The following ANKRD18A variants were observed in gnomAD, a reference collection of about 807,000 sequenced individuals.
ANKRD18A encodes the protein ankyrin repeat domain 18A.
Under a neutral mutation model 110.6 loss-of-function variants are expected in ANKRD18A, and 72 were observed. The observed-to-expected ratio is 0.65, with a 90% CI of 0.54 to 0.79. The LOEUF (loss-of-function observed/expected upper bound fraction) is 0.79. Among genes scored for constraint, ANKRD18A ranks in the 30% least tolerant of loss-of-function variants. ANKRD18A has a pLI of 0.00. For missense variants in ANKRD18A, 934 were observed against 1,163.3 expected (o/e 0.80, Z 2.87); for synonymous variants, 305 against 410.3 (o/e 0.74, Z 3.10).
chr9:38,603,601 C>T (rs1419580720), intron 6 of ANKRD18A, among the ~76,000 whole-genome samples: 4 of 151,982 alleles, frequency 2.6e-5, no homozygotes, highest in South Asian at 4.1e-4. Context: ...TGAGTAGCTA[C>T]GACAGAGACC....
intron 8 of ANKRD18A, among the ~76,000 whole-genome samples, chr9:38,599,173 G>T (rs1172432589): frequency 6.6e-6 from 1 of 152,128 alleles, no homozygotes; most frequent in Non-Finnish European, 1.5e-5. Flanking sequence ...TTTGAATAAA[G>T]CTTAGAAGAT....
intron 5 of ANKRD18A, among the ~76,000 whole-genome samples, chr9:38,609,018 C>T (rs1390285913): frequency 6.6e-6 from 1 of 152,068 alleles, no homozygotes; most frequent in Non-Finnish European, 1.5e-5. Context: ...GATAACATAC[C>T]ATGAAGGTAC....
At chr9:38,591,887 C>G (rs1041338266) in intron 10 of ANKRD18A, among the ~76,000 whole-genome samples, 3 of 152,212 alleles carry the variant, frequency 2.0e-5, no homozygotes, top group African/African-American at 7.2e-5. Flanking sequence ...ATCAAGTCTT[C>G]TGAATCAGTT....
intron 14 of ANKRD18A, among the ~76,000 whole-genome samples, chr9:38,576,769 C>A (rs1823912144): frequency 6.6e-6 from 1 of 151,958 alleles, no homozygotes; most frequent in African/African-American, 2.4e-5. Context: ...GATCATAAAG[C>A]TTCAAAAATA....
intron 7 of ANKRD18A, 33 bp downstream of exon 7, chr9:38,603,126 C>T: frequency 6.6e-7 from 1 of 1,519,226 alleles, no homozygotes; most frequent in Admixed American, 2.1e-5. Flanking sequence ...AGTCTCTTTA[C>T]ATGGTTAGGA....
chr9:38,573,306 G>A (rs1279616864), intron 15 of ANKRD18A, among the ~76,000 whole-genome samples: 1 of 152,116 alleles, frequency 6.6e-6, no homozygotes, highest in Non-Finnish European at 1.5e-5. Flanking sequence ...CTTATTCTAA[G>A]TTTAGATAAT....
At chr9:38,599,517 T>C (rs1479321355) in intron 8 of ANKRD18A, among the ~76,000 whole-genome samples, 4 of 151,666 alleles carry the variant, frequency 2.6e-5, no homozygotes, top group African/African-American at 7.3e-5. Context: ...CAGGCTGGAG[T>C]GCAATGGCAT....
chr9:38,612,971 T>TA (rs1486971706), intron 3 of ANKRD18A, among the ~76,000 whole-genome samples: 1 of 151,580 alleles, frequency 6.6e-6, no homozygotes, highest in Non-Finnish European at 1.5e-5. Flanking sequence ...AAAAAAGAGT[T>TA]AAAAAAACTT....
rs527413468 is a variant in ANKRD18A, at chr9:38,602,898, C to T, written c.862+261G>A. Among the ~76,000 whole-genome samples the T allele has an allele frequency of 5.3e-5, 8 of 152,290 alleles. No individual in the cohort carries two copies. In the South Asian group the frequency reaches 1.2e-3, roughly 24 times the overall value. On this transcript the variant is annotated intron_variant, in intron 7 of 15. Transcript: ENST00000399703. ...TTGCCCAGGCTGCTGGACCTCCAAG[C>T]CTCAAGGGATGCTTCTATCTCAGCC...
chr9:38,619,272 A>G (rs1426579013), intron 1 of ANKRD18A, among the ~76,000 whole-genome samples: 5 of 152,084 alleles, frequency 3.3e-5, no homozygotes, highest in Admixed American at 6.6e-5. Context: ...TTGCGACATA[A>G]AGTTTCATTA....
intron 12 of ANKRD18A, among the ~76,000 whole-genome samples, chr9:38,581,708 C>A (rs1230739693): frequency 6.6e-6 from 1 of 152,164 alleles, no homozygotes; most frequent in Non-Finnish European, 1.5e-5. Flanking sequence ...GAAGTTAAGA[C>A]CATCCCATCT....
intron 12 of ANKRD18A, among the ~76,000 whole-genome samples, chr9:38,580,663 T>C (rs1182339141): frequency 6.6e-6 from 1 of 151,058 alleles, no homozygotes; most frequent in Non-Finnish European, 1.5e-5. Context: ...AGCTTGATCA[T>C]TATGCACTAT....
Position 38,620,209 on chromosome 9 carries a change from G to A in ANKRD18A, c.77C>T (p.Pro26Leu). 1 of 1,552,602 alleles carries A rather than the reference G, an allele frequency of 6.4e-7. No individual in the cohort carries two copies. The highest frequency in any genetic ancestry group is 8.7e-7 in the Non-Finnish European group (1 of 1,147,468). The stretch of plus-strand genomic sequence containing the variant: ...TTCCCAGTCCCGAATGTCGTAACCC[G>A]GACCCGCATACTCTTGGTCCATGGA... ...LSSMDQEYAG[P>L]GYDIRDWELR... The change falls in exon 1 of 16, where the codon CCG (proline) becomes CTG (leucine). Residue 26 changes from proline (P) to leucine (L), a missense_variant. Physicochemically the swap from Pro to Leu is moderately conservative, Grantham distance 98. Transcript: ENST00000399703.
At position 38,577,065 on chromosome 9, in the gene ANKRD18A, T is replaced by C; in HGVS notation, c.2729A>G (p.Lys910Arg). The C allele has an allele frequency of 6.5e-7, 1 of 1,545,920 alleles. No individual in the cohort carries two copies. Among genetic ancestry groups the C allele is most frequent in the Non-Finnish European group, 8.7e-7 (1 of 1,145,574 alleles). The stretch of plus-strand genomic sequence containing the variant: ...TGTTTTGACTTACTTCATTAATTTT[T>C]TTGACATGGAATTGTTAGCTTTCAC... Reference protein sequence around the residue: ...GAVKANNSMSKKLMKSDKKIA... With the variant: ...GAVKANNSMSRKLMKSDKKIA... The change falls in exon 14 of 16, where the codon AAA (lysine) becomes AGA (arginine). Residue 910 changes from lysine to arginine, a missense_variant. By Grantham distance (26) the Lys-to-Arg change is conservative. Around this residue, in one of 4 missense-constraint regions of ANKRD18A, gnomAD observed 223 missense variants for 226.7 expected, o/e 0.98. Transcript: ENST00000399703.
chr9:38,567,141 AT>A (rs1159220445), downstream of ANKRD18A: 1 of 152,232 alleles, frequency 6.6e-6, no homozygotes, highest in East Asian at 1.9e-4. Context: ...AAGTGGTATC[AT>A]TCTTCCAAAA....
At chr9:38,594,564 C>T (rs1454792691) in intron 9 of ANKRD18A, among the ~76,000 whole-genome samples, 1 of 152,130 alleles carries the variant, frequency 6.6e-6, no homozygotes, top group Non-Finnish European at 1.5e-5. Flanking sequence ...AAATTTACCA[C>T]ATTTATTCCA....
intron 12 of ANKRD18A, among the ~76,000 whole-genome samples, chr9:38,584,963 T>A (rs966859617): frequency 2.6e-5 from 4 of 152,116 alleles, no homozygotes; most frequent in African/African-American, 9.7e-5. Context: ...CTGAAAAAAA[T>A]CAAAGTTATT....
At chr9:38,569,896 C>T (rs948464965), downstream of ANKRD18A, among the ~76,000 whole-genome samples, 1 of 152,134 alleles carries the variant, frequency 6.6e-6, no homozygotes. Flanking sequence ...CTAGGTGGAA[C>T]CCAGGTACTG....
chr9:38,570,832 C>T (rs1349402409), downstream of ANKRD18A, among the ~76,000 whole-genome samples: 2 of 152,228 alleles, frequency 1.3e-5, no homozygotes, highest in South Asian at 2.1e-4. Flanking sequence ...ACACTCACCC[C>T]GCAAGGCCCT....
Sources: allele counts gnomAD v4.1 joint callset (sites outside exome capture counted in the v4.1 genomes callset), GRCh38; gene constraint gnomAD v4.1.1; regional missense constraint gnomAD v4.1.1; transcripts MANE v1.5; gene names NCBI Gene and HGNC (gene_info 2026-07-23, HGNC 2026-07-21).